Variants in PKD1L3 observed in about 807,000 individuals in gnomAD.
PKD1L3 encodes polycystin 1 like 3, transient receptor potential channel interacting.
A neutral mutation model predicts 184.1 loss-of-function variants in PKD1L3; 239 were observed. That is an observed-to-expected ratio of 1.30 (90% CI 1.17 to 1.45). The LOEUF (loss-of-function observed/expected upper bound fraction) is 1.45, where lower values mean the gene tolerates loss of function less well. PKD1L3 is among the 40% of genes most tolerant of loss of function. PKD1L3 has a pLI of 0.00. For missense variants in PKD1L3, 2,660 were observed against 2,067.2 expected (o/e 1.29, Z -5.56); for synonymous variants, 996 against 778.8 (o/e 1.28, Z -4.64).
At chr16:71,968,657 T>A (rs925808347) in intron 13 of PKD1L3, among the ~76,000 whole-genome samples, 2 of 150,948 alleles carry the variant, frequency 1.3e-5, no homozygotes, top group African/African-American at 4.9e-5. Context: ...GTGCAGTGGT[T>A]CATTCTTGGC....
At chr16:71,949,723 C>G in intron 21 of PKD1L3, 60 bp downstream of exon 21, 2 of 1,428,136 alleles carry the variant, frequency 1.4e-6, no homozygotes, top group South Asian at 1.3e-5. Context: ...GATTGACACC[C>G]AGGGACCTCA....
chr16:71,933,690 G>A (rs1194449397), intron 27 of PKD1L3, among the ~76,000 whole-genome samples, 169 bp from the exon 28 acceptor site: 1 of 152,182 alleles, frequency 6.6e-6, no homozygotes, highest in Admixed American at 6.5e-5. Context: ...TGTTTTCATA[G>A]AAGTTTATTT....
At position 71,990,334 on chromosome 16, in the gene PKD1L3, A is replaced by C; in HGVS notation, c.536-5T>G. 6.5e-7 allele frequency: 1 copy of C among 1,545,070 alleles called. No homozygotes were observed. The highest frequency in any genetic ancestry group is 8.8e-7 in the Non-Finnish European group (1 of 1,141,940). ...TGGTTGGAAGATGACCAGGTCCTAT[A>C]GAAAAAAGAAAGCAGACTAAGTTCA... On this transcript the variant is annotated splice_region_variant and splice_polypyrimidine_tract_variant and intron_variant, in intron 3 of 29. Coordinates refer to ENST00000620267, the MANE Select transcript of PKD1L3 (RefSeq NM_181536.2).
chr16:71,970,200 G>A, intron 12 of PKD1L3, 95 bp from the exon 13 acceptor site: 2 of 973,722 alleles, frequency 2.1e-6, no homozygotes, highest in Admixed American at 2.5e-5. Flanking sequence ...GATGGAAAGA[G>A]GTATCTGGTT....
chr16:71,964,250 C>A (rs2143545192), intron 15 of PKD1L3, among the ~76,000 whole-genome samples: 1 of 143,618 alleles, frequency 7.0e-6, no homozygotes, highest in Admixed American at 7.4e-5. Flanking sequence ...TGTAATGATG[C>A]TATTTTCCCC....
At chr16:71,943,674 T>C (rs908010753) in intron 23 of PKD1L3, among the ~76,000 whole-genome samples, 2 of 152,200 alleles carry the variant, frequency 1.3e-5, no homozygotes, top group African/African-American at 4.8e-5. Context: ...GAATTTGTCT[T>C]ATTTGGACTA....
Position 71,951,654 on chromosome 16 carries a change from T to C in PKD1L3, c.3100A>G (p.Thr1034Ala). ...CTGGATAAAAGTTTCACCAGCTTAG[T>C]AATGTCCCAAGAACTCCATGGCGGC... Reference protein sequence around the residue: ...EQPPWSSWDITKLVKLLSSLV... With the variant: ...EQPPWSSWDIAKLVKLLSSLV... Residue 1034 changes from threonine to alanine, a missense_variant, in exon 19 of 30, where the codon ACT becomes GCT. Coordinates refer to ENST00000620267, the MANE Select transcript of PKD1L3 (RefSeq NM_181536.2). The C allele has an allele frequency of 1.3e-6, 2 of 1,551,754 alleles. No homozygotes were observed. The highest frequency in any genetic ancestry group is 2.4e-5 in the South Asian group (2 of 84,062).
At chr16:71,959,439 A>G (rs1195120419) in intron 16 of PKD1L3, among the ~76,000 whole-genome samples, 9 of 152,186 alleles carry the variant, frequency 5.9e-5, no homozygotes, top group Non-Finnish European at 1.2e-4. Context: ...CAAACAAACA[A>G]AAAACAAAGA....
At chr16:71,999,270 CAAAAAAA>C (rs371727093) in intron 1 of PKD1L3, among the ~76,000 whole-genome samples, 2 of 102,582 alleles carry the variant, frequency 1.9e-5, no homozygotes, top group South Asian at 6.3e-4. Context: ...GACTCCATCT[CAAAAAAA>C]AAAAAAAAGA....
chr16:71,998,440 G>A, intron 1 of PKD1L3, 46 bp from the exon 2 acceptor site: 2 of 1,518,506 alleles, frequency 1.3e-6, no homozygotes, highest in Non-Finnish European at 1.8e-6. Flanking sequence ...CGAAAGCCAG[G>A]CTTTTAGGTT....
At chr16:71,986,914 A>ATGTTTTTT (rs2040391225) in intron 4 of PKD1L3, among the ~76,000 whole-genome samples, 1 of 81,366 alleles carries the variant, frequency 1.2e-5, no homozygotes, top group African/African-American at 5.6e-5. Context: ...TAAGGAGAGG[A>ATGTTTTTT]TTTTTTTTTT....
Position 71,980,020 on chromosome 16 carries a change from G to C in PKD1L3, c.1258C>G (p.Leu420Val). 3.2e-6 allele frequency: 5 copies of C among 1,552,136 alleles called. No individual in the cohort carries two copies. The highest frequency in any genetic ancestry group is 4.4e-6 in the Non-Finnish European group (5 of 1,147,086). The change falls in exon 8 of 30, where the codon CTG becomes GTG. Residue 420 changes from leucine to valine, a missense_variant. By Grantham distance (32) the Leu-to-Val change is conservative. Coordinates refer to ENST00000620267, the MANE Select transcript of PKD1L3 (RefSeq NM_181536.2). Reference sequence around the variant, plus strand: ...CTTCCCATTAACCTGCTCAGCAGCAGAGTAGCATTGGCAGAGGTCAAAGTC... The same window carrying C: ...CTTCCCATTAACCTGCTCAGCAGCACAGTAGCATTGGCAGAGGTCAAAGTC... ...SVTLTSANAT[L>V]LLSRQNISTL...
At chr16:71,979,264 C>T (rs1039993039) in intron 9 of PKD1L3, among the ~76,000 whole-genome samples, 3 of 151,886 alleles carry the variant, frequency 2.0e-5, no homozygotes, top group Admixed American at 1.3e-4. Context: ...GCCAAAATGG[C>T]GAAACCCCGC....
At chr16:71,982,586 A>G (rs987537531) in intron 6 of PKD1L3, among the ~76,000 whole-genome samples, 3 of 150,844 alleles carry the variant, frequency 2.0e-5, no homozygotes, top group Non-Finnish European at 4.4e-5. Flanking sequence ...CGCCCAGCCT[A>G]TGATTGCTTT....
intron 16 of PKD1L3, among the ~76,000 whole-genome samples, chr16:71,954,526 GGTT>G (rs2143423445): frequency 6.6e-6 from 1 of 152,208 alleles, no homozygotes; most frequent in African/African-American, 2.4e-5. Context: ...TAGGATAAAA[GGTT>G]GTTGAGGATA....
intron 24 of PKD1L3, among the ~76,000 whole-genome samples, chr16:71,937,691 A>G (rs1441954448): frequency 6.6e-6 from 1 of 152,170 alleles, no homozygotes; most frequent in Admixed American, 6.6e-5. Flanking sequence ...GTGGCTTAAC[A>G]GTTATTATAG....
At chr16:71,947,215 T>C (rs1228690384) in intron 22 of PKD1L3, among the ~76,000 whole-genome samples, 1 of 152,016 alleles carries the variant, frequency 6.6e-6, no homozygotes, top group Non-Finnish European at 1.5e-5. Flanking sequence ...TGAGAACACA[T>C]CATTGCACTC....
chr16:71,968,594 T>C (rs2039589175), intron 13 of PKD1L3, among the ~76,000 whole-genome samples: 1 of 152,192 alleles, frequency 6.6e-6, no homozygotes, highest in Non-Finnish European at 1.5e-5. Context: ...TTGTATATTA[T>C]AGTTATATTC....
In PKD1L3 at chr16:71,998,328, C is replaced by T. The variant is rs199784981; in HGVS notation, c.362G>A (p.Arg121Gln). The change falls in exon 2 of 30, where the codon CGG becomes CAG. Residue 121 changes from arginine to glutamine, a missense_variant. Arg to Gln is a conservative substitution (Grantham distance 43). Coordinates refer to ENST00000620267, the MANE Select transcript of PKD1L3 (RefSeq NM_181536.2). ...GCACTTGTCCCCTTTGGATGAGATCCGAATGAAGTTTCTGGACAGGTAGGT... is the reference window on the plus strand; with the variant it reads ...GCACTTGTCCCCTTTGGATGAGATCTGAATGAAGTTTCTGGACAGGTAGGT... Reference protein sequence around the residue: ...SCTYLSRNFIRISSKGDKCLL... With the variant: ...SCTYLSRNFIQISSKGDKCLL... 2.6e-5 allele frequency: 40 copies of T among 1,551,930 alleles called. No individual in the cohort carries two copies. Among genetic ancestry groups the T allele is most frequent in the South Asian group, 3.6e-5 (3 of 84,052 alleles).
Sources: allele counts gnomAD v4.1 joint callset (sites outside exome capture counted in the v4.1 genomes callset), GRCh38; gene constraint gnomAD v4.1.1; transcripts MANE v1.5; gene names NCBI Gene and HGNC (gene_info 2026-07-23, HGNC 2026-07-21).